CDK19: variants seen among roughly 807,000 people sequenced by gnomAD.
The protein encoded by CDK19 is cyclin-dependent kinase 19.
CDK19 carries 20 observed loss-of-function variants against 68.3 expected under a neutral mutation model. That is an observed-to-expected ratio of 0.29 (90% confidence interval 0.21 to 0.43). The LOEUF is 0.43. Ranked by LOEUF, CDK19 falls within the 20% of genes least tolerant of loss-of-function variation. The probability of loss-of-function intolerance (pLI) is 1.00; values close to 1 mark genes in which losing one functional copy is unlikely to be tolerated. For missense variants in CDK19, 339 were observed against 623.5 expected, an observed-to-expected ratio of 0.54 and a Z score of 4.86; for synonymous variants, 221 against 222.8, an observed-to-expected ratio of 0.99 and a Z score of 0.07.
chr6:110,748,287 T>G (rs969781613), intron 1 of CDK19, among the ~76,000 whole-genome samples: 6 of 152,198 alleles, frequency 3.9e-5, no homozygotes, highest in African/African-American at 1.4e-4. Context: ...AATTAATGGC[T>G]TTTGAATTTC....
intron 4 of CDK19, among the ~76,000 whole-genome samples, chr6:110,667,205 G>A (rs955817191): frequency 4.6e-5 from 7 of 152,084 alleles, no homozygotes; most frequent in African/African-American, 1.7e-4. Flanking sequence ...AAATCACACT[G>A]ATATTTTACA....
intron 2 of CDK19, among the ~76,000 whole-genome samples, chr6:110,696,202 C>T (rs4343956): frequency 0.35 from 53,011 of 151,876 alleles, 10,932 homozygotes; most frequent in East Asian, 0.68. Context: ...CATATGCAAG[C>T]CAATAAATGT....
intron 1 of CDK19, among the ~76,000 whole-genome samples, chr6:110,751,199 T>C (rs1490981582): frequency 6.6e-6 from 1 of 152,152 alleles, no homozygotes; most frequent in South Asian, 2.1e-4. Flanking sequence ...TCCCTACCAG[T>C]TGGTGGCCTG....
intron 2 of CDK19, among the ~76,000 whole-genome samples, chr6:110,745,912 G>A (rs902950625): frequency 3.3e-5 from 5 of 151,896 alleles, no homozygotes; most frequent in African/African-American, 1.2e-4. Flanking sequence ...ACGCTGCAGT[G>A]GACTCCAGCC....
rs1778184485 is a variant in CDK19, at chr6:110,614,495, T to C, written c.*40A>G. 6.3e-7 allele frequency: 1 copy of C among 1,596,982 alleles called. No homozygotes were observed. The highest frequency in any genetic ancestry group is 8.5e-7 in the Non-Finnish European group (1 of 1,169,864). Reference sequence around the variant, plus strand: ...TCAATGCAGACATATTGCTGGAGCCTGTGCTCTGGGCTGGGCTGGCCTGGC... The same window carrying C: ...TCAATGCAGACATATTGCTGGAGCCCGTGCTCTGGGCTGGGCTGGCCTGGC... On this transcript the variant is annotated 3_prime_UTR_variant, in exon 13 of 13. Coordinates refer to ENST00000368911, the MANE Select transcript of CDK19 (RefSeq NM_015076.5).
chr6:110,650,099 G>A (rs1188150435), intron 4 of CDK19, among the ~76,000 whole-genome samples: 1 of 152,144 alleles, frequency 6.6e-6, no homozygotes, highest in Non-Finnish European at 1.5e-5. Flanking sequence ...TCAAATCTTA[G>A]AAGCATTATG....
chr6:110,802,189 C>T (rs998153696), intron 1 of CDK19, among the ~76,000 whole-genome samples: 1 of 152,062 alleles, frequency 6.6e-6, no homozygotes, highest in African/African-American at 2.4e-5. Flanking sequence ...AGGTATCTAC[C>T]CAGAGGAAAA....
intron 1 of CDK19, among the ~76,000 whole-genome samples, chr6:110,804,730 C>T (rs1182135438): frequency 2.0e-5 from 3 of 149,346 alleles, no homozygotes; most frequent in Admixed American, 6.6e-5. Flanking sequence ...CCGAGGCGGG[C>T]GGATCACGAG....
intron 2 of CDK19, among the ~76,000 whole-genome samples, chr6:110,691,283 G>GC (rs1477402586): frequency 1.3e-5 from 2 of 152,070 alleles, no homozygotes; most frequent in Non-Finnish European, 2.9e-5. Context: ...GACCAGCCTG[G>GC]CCAACATAGT....
intron 1 of CDK19, among the ~76,000 whole-genome samples, chr6:110,766,145 C>T (rs1240134894): frequency 6.6e-6 from 1 of 152,198 alleles, no homozygotes; most frequent in Non-Finnish European, 1.5e-5. Context: ...GATAGCTGCA[C>T]TCCTATGTTT....
At chr6:110,667,641 A>C in intron 3 of CDK19, 67 bp from the exon 4 acceptor site, 1 of 790,842 alleles carries the variant, frequency 1.3e-6, no homozygotes. Context: ...AACACAATCA[A>C]TGCTGTAACA....
chr6:110,724,680 G>A (rs1393691185), intron 2 of CDK19, among the ~76,000 whole-genome samples: 1 of 151,936 alleles, frequency 6.6e-6, no homozygotes, highest in Non-Finnish European at 1.5e-5. Context: ...AAAGCTTTTT[G>A]AAAGAAAAAA....
intron 2 of CDK19, among the ~76,000 whole-genome samples, chr6:110,721,772 G>A (rs1775908353): frequency 6.6e-6 from 1 of 151,868 alleles, no homozygotes; most frequent in Non-Finnish European, 1.5e-5. Flanking sequence ...AGATCAGCCT[G>A]ACCAACATGG....
chr6:110,771,371 T>C (rs1311387070), intron 1 of CDK19, among the ~76,000 whole-genome samples: 1 of 152,170 alleles, frequency 6.6e-6, no homozygotes, highest in Non-Finnish European at 1.5e-5. Context: ...GGCTTGGGGC[T>C]TCCACCCTCT....
intron 1 of CDK19, among the ~76,000 whole-genome samples, chr6:110,753,293 C>A (rs552633804): frequency 9.2e-5 from 14 of 151,952 alleles, no homozygotes; most frequent in African/African-American, 3.1e-4. Context: ...AATTCCAAGT[C>A]AGATAAATAT....
intron 5 of CDK19, among the ~76,000 whole-genome samples, chr6:110,632,549 G>A (rs1026288453): frequency 2.0e-5 from 3 of 152,248 alleles, no homozygotes; most frequent in Non-Finnish European, 2.9e-5. Context: ...TGCACAACAT[G>A]GTGAAACACC....
At chr6:110,779,902 T>G (rs1031296030) in intron 1 of CDK19, among the ~76,000 whole-genome samples, 5 of 151,910 alleles carry the variant, frequency 3.3e-5, no homozygotes, top group Non-Finnish European at 5.9e-5. Flanking sequence ...CTGGCCAACA[T>G]GGTGAAACCC....
chr6:110,741,603 C>T (rs1777673836), intron 2 of CDK19, among the ~76,000 whole-genome samples: 2 of 151,502 alleles, frequency 1.3e-5, no homozygotes, highest in Admixed American at 6.6e-5. Context: ...CACCAAGACA[C>T]ATCATAGGCA....
chr6:110,707,320 A>T (rs1020782716), intron 2 of CDK19, among the ~76,000 whole-genome samples: 1 of 151,794 alleles, frequency 6.6e-6, no homozygotes, highest in African/African-American at 2.4e-5. Context: ...TGAGTGACAG[A>T]GGGAGCCTCT....
Sources: gnomAD v4.1 joint callset for allele counts (sites outside exome capture counted in the v4.1 genomes callset) on GRCh38, gnomAD v4.1.1 for gene constraint, MANE v1.5 for transcripts, NCBI Gene and HGNC (gene_info 2026-07-23, HGNC 2026-07-21) for gene names.